The following MAP4K4 variants were observed in gnomAD, a reference collection of about 807,000 sequenced individuals.
The protein encoded by MAP4K4 is mitogen-activated protein kinase kinase kinase kinase 4.
MAP4K4 carries 38 observed loss-of-function variants against 189.6 expected under a neutral mutation model. That is an observed-to-expected ratio of 0.20 (90% confidence interval 0.15 to 0.26). The LOEUF (loss-of-function observed/expected upper bound fraction) is 0.26, where lower values mean the gene tolerates loss of function less well. Ranked by LOEUF, MAP4K4 falls within the 10% of genes least tolerant of loss-of-function variation. The pLI, the probability that MAP4K4 is intolerant of heterozygous loss-of-function variation, is 1.00. For missense variants in MAP4K4, 1,054 were observed against 1,726.9 expected, an observed-to-expected ratio of 0.61 and a Z score of 6.91; for synonymous variants, 610 against 624.3, an observed-to-expected ratio of 0.98 and a Z score of 0.34.
chr2:101,707,462 G>T (rs183421167), intron 2 of MAP4K4, among the ~76,000 whole-genome samples: 1 of 151,990 alleles, frequency 6.6e-6, no homozygotes, highest in African/African-American at 2.4e-5. Context: ...CCCTGCCTGG[G>T]CCTCTCAAAG....
At chr2:101,821,703 C>CTTCA (rs2096065241) in intron 3 of MAP4K4, among the ~76,000 whole-genome samples, 1 of 152,110 alleles carries the variant, frequency 6.6e-6, no homozygotes, top group South Asian at 2.1e-4. Flanking sequence ...TACTGGTATA[C>CTTCA]TTCATAAACA....
Position 101,834,398 on chromosome 2 carries a change from T to C in MAP4K4, c.640-11T>C. The C allele has an allele frequency of 6.3e-7, 1 of 1,599,886 alleles. No individual in the cohort carries two copies. Among genetic ancestry groups the C allele is most frequent in the East Asian group, 2.2e-5 (1 of 44,712 alleles). The stretch of plus-strand genomic sequence containing the variant: ...CTCCAGTATCTGTAACGTACTGTTT[T>C]ATTTTTGCAGAGTGATCTTTGGTCT... On this transcript the variant is annotated splice_polypyrimidine_tract_variant and intron_variant, in intron 7 of 32. Transcript: ENST00000324219.
At chr2:101,856,126 TGAAAGA>T in exon 13 of MAP4K4, 5 of 1,550,930 alleles carry the variant, frequency 3.2e-6, no homozygotes, top group Non-Finnish European at 4.4e-6. Flanking sequence ...AGAGGAGAGT[TGAAAGA>T]GAACAGGTTA....
chr2:101,845,013 G>A (rs1012316602), intron 12 of MAP4K4, among the ~76,000 whole-genome samples: 1 of 152,086 alleles, frequency 6.6e-6, no homozygotes, highest in African/African-American at 2.4e-5. Context: ...GAGGCAAGAT[G>A]GGAATGATGG....
At chr2:101,729,582 C>G (rs1412149120) in intron 2 of MAP4K4, among the ~76,000 whole-genome samples, 1 of 152,164 alleles carries the variant, frequency 6.6e-6, no homozygotes, top group African/African-American at 2.4e-5. Context: ...CACTTTGAAA[C>G]AACTGAATAA....
At chr2:101,816,730 G>A (rs1330217827) in intron 3 of MAP4K4, among the ~76,000 whole-genome samples, 2 of 152,188 alleles carry the variant, frequency 1.3e-5, no homozygotes, top group Admixed American at 1.3e-4. Context: ...TAAACAGGAA[G>A]AAATGACCAT....
intron 5 of MAP4K4, 146 bp from the exon 6 acceptor site, chr2:101,829,357 TC>T (rs2096514109): frequency 1.7e-6 from 1 of 588,450 alleles, no homozygotes; most frequent in African/African-American, 1.8e-5. Flanking sequence ...GGTGCTGTCT[TC>T]CTGGGAATGC....
chr2:101,794,805 CATTTTTATTTTT>C (rs535223366), intron 3 of MAP4K4, among the ~76,000 whole-genome samples: 9 of 152,004 alleles, frequency 5.9e-5, no homozygotes, highest in African/African-American at 1.2e-4. Flanking sequence ...TTCCTGCCTC[CATTTTTATTTTT>C]ATTTTTATTT....
chr2:101,757,871 A>G (rs2073726879), intron 2 of MAP4K4, among the ~76,000 whole-genome samples: 1 of 152,138 alleles, frequency 6.6e-6, no homozygotes. Flanking sequence ...AATAGAAAAA[A>G]TTATTTTTAC....
intron 20 of MAP4K4, 130 bp downstream of exon 20, chr2:101,867,439 A>T (rs891486325): frequency 1.5e-6 from 1 of 664,804 alleles, no homozygotes; most frequent in Admixed American, 2.7e-5. Flanking sequence ...ATTATAAGGA[A>T]TGACCTAAAC....
chr2:101,852,487 G>A (rs968537688), intron 12 of MAP4K4, among the ~76,000 whole-genome samples: 3 of 151,964 alleles, frequency 2.0e-5, no homozygotes, highest in Admixed American at 6.6e-5. Flanking sequence ...AGTCTCTTTT[G>A]TGTTGATCTA....
At chr2:101,798,183 G>T (rs1245485949) in intron 3 of MAP4K4, among the ~76,000 whole-genome samples, 1 of 151,482 alleles carries the variant, frequency 6.6e-6, no homozygotes, top group Non-Finnish European at 1.5e-5. Flanking sequence ...AAAGTGCTGG[G>T]ATTTACAGGT....
At chr2:101,891,579 C>G (rs1309562275) in exon 33 of MAP4K4, 1 of 210,414 alleles carries the variant, frequency 4.8e-6, no homozygotes, top group East Asian at 1.1e-4. Context: ...TTCCTTGTCT[C>G]TGAATGACTC....
chr2:101,858,513 G>T (rs1244333845), intron 13 of MAP4K4, among the ~76,000 whole-genome samples: 2 of 152,140 alleles, frequency 1.3e-5, no homozygotes, highest in Non-Finnish European at 2.9e-5. Flanking sequence ...AATTGTTAGT[G>T]AAAGCATGAA....
At chr2:101,869,680 A>G (rs1269891509) in exon 22 of MAP4K4, 1 of 1,608,236 alleles carries the variant, frequency 6.2e-7, no homozygotes, top group Admixed American at 1.7e-5. Flanking sequence ...CCACCTCACA[A>G]AGTAACGGAC....
At chr2:101,758,921 C>T (rs1396103363) in intron 2 of MAP4K4, among the ~76,000 whole-genome samples, 1 of 151,982 alleles carries the variant, frequency 6.6e-6, no homozygotes, top group African/African-American at 2.4e-5. Flanking sequence ...ATCACGAGAT[C>T]AGGAGATCGA....
chr2:101,845,048 A>G (rs2097054074), intron 12 of MAP4K4, among the ~76,000 whole-genome samples: 1 of 152,126 alleles, frequency 6.6e-6, no homozygotes, highest in Non-Finnish European at 1.5e-5. Flanking sequence ...AAGGACCAAT[A>G]TTGCCTGCAA....
In MAP4K4 at chr2:101,711,753, A is replaced by G. The variant is rs553812369; in HGVS notation, c.123+13215A>G. Among the ~76,000 whole-genome samples, 62 of 152,292 alleles carry G rather than the reference A, an allele frequency of 4.1e-4. No individual in the cohort carries two copies. In the South Asian group the frequency reaches 0.013, roughly 32 times the overall value. ...TCTTTTTGCATTATTTTGTATAAGC[A>G]AGGGCTTTGTCAGTCATCAACTCCA... On this transcript the variant is annotated intron_variant, in intron 2 of 32. Transcript: ENST00000324219.
At chr2:101,818,302 A>G (rs1195575730) in intron 3 of MAP4K4, among the ~76,000 whole-genome samples, 1 of 152,162 alleles carries the variant, frequency 6.6e-6, no homozygotes, top group East Asian at 1.9e-4. Flanking sequence ...TCTTCCAGAG[A>G]TATTTGTATA....
Sources: gnomAD v4.1 joint callset for allele counts (sites outside exome capture counted in the v4.1 genomes callset) on GRCh38, gnomAD v4.1.1 for gene constraint, MANE v1.5 for transcripts, NCBI Gene and HGNC (gene_info 2026-07-23, HGNC 2026-07-21) for gene names.